Variants in ADAMTS6 observed in about 807,000 individuals in gnomAD.
ADAMTS6 encodes ADAM metallopeptidase with thrombospondin type 1 motif 6, also known as A disintegrin and metalloproteinase with thrombospondin motifs 6.
In ADAMTS6, 23 loss-of-function variants were observed where a neutral mutation model predicts 144.3. The ratio of observed to expected loss-of-function variants is 0.16; its 90% CI spans 0.11 to 0.23. ADAMTS6 has a LOEUF of 0.23. ADAMTS6 is among the 10% of genes least tolerant of loss of function. The pLI, the probability that ADAMTS6 is intolerant of heterozygous loss-of-function variation, is 1.00. For missense variants in ADAMTS6, 999 were observed against 1,379.6 expected (o/e 0.72, Z 4.37); for synonymous variants, 444 against 457.5 (o/e 0.97, Z 0.38).
At chr5:65,263,559 C>T (rs1761378645) in intron 12 of ADAMTS6, among the ~76,000 whole-genome samples, 1 of 152,080 alleles carries the variant, frequency 6.6e-6, no homozygotes, top group Non-Finnish European at 1.5e-5. Context: ...TATACACTGA[C>T]TAGCCATGTG....
chr5:65,357,776 G>A (rs1749463698), intron 7 of ADAMTS6, among the ~76,000 whole-genome samples: 1 of 151,744 alleles, frequency 6.6e-6, no homozygotes, highest in Admixed American at 6.6e-5. Context: ...AACCTATCAT[G>A]ACTGAATCAT....
At chr5:65,230,703 AATATATATAACACATATGTATGAAAT>A (rs1561305841) in intron 15 of ADAMTS6, among the ~76,000 whole-genome samples, 6 of 85,106 alleles carry the variant, frequency 7.1e-5, no homozygotes, top group South Asian at 3.6e-4. Context: ...ATATGTATGA[AATATATATAACACATATGTATGAAAT>A]ATATATATAA....
At chr5:65,294,801 C>G (rs1234810576) in intron 10 of ADAMTS6, among the ~76,000 whole-genome samples, 3 of 152,194 alleles carry the variant, frequency 2.0e-5, no homozygotes, top group East Asian at 3.9e-4. Flanking sequence ...TGAAAATTCT[C>G]AAGTGCTTTA....
chr5:65,442,964 A>G (rs969930484), intron 7 of ADAMTS6, among the ~76,000 whole-genome samples: 2 of 152,276 alleles, frequency 1.3e-5, no homozygotes, highest in South Asian at 2.1e-4. Context: ...TCTGCTGAGG[A>G]TGATGGCTTC....
chr5:65,440,813 T>A (rs1757808942), intron 7 of ADAMTS6, among the ~76,000 whole-genome samples: 2 of 152,252 alleles, frequency 1.3e-5, no homozygotes, highest in East Asian at 3.9e-4. Context: ...TACTGGGGAA[T>A]AATTAGCCCT....
At chr5:65,171,348 GA>G (rs1408181804) in intron 23 of ADAMTS6, among the ~76,000 whole-genome samples, 1 of 152,090 alleles carries the variant, frequency 6.6e-6, no homozygotes, top group African/African-American at 2.4e-5. Context: ...GTTCATTTTT[GA>G]GAGGTGTATG....
chr5:65,476,281 A>G (rs554083294), intron 1 of ADAMTS6, among the ~76,000 whole-genome samples: 1 of 152,302 alleles, frequency 6.6e-6, no homozygotes, highest in African/African-American at 2.4e-5. Context: ...GTCCTTGCCA[A>G]CACTTTGTGG....
intron 7 of ADAMTS6, among the ~76,000 whole-genome samples, chr5:65,441,110 T>C (rs1757826820): frequency 6.6e-6 from 1 of 152,172 alleles, no homozygotes; most frequent in African/African-American, 2.4e-5. Flanking sequence ...AAATAGTTTT[T>C]GTATTTTCTA....
chr5:65,464,438 TG>T (rs1742223505), intron 3 of ADAMTS6, among the ~76,000 whole-genome samples: 1 of 152,218 alleles, frequency 6.6e-6, no homozygotes, highest in Non-Finnish European at 1.5e-5. Flanking sequence ...CGTAATGATA[TG>T]AAAATATCTG....
chr5:65,356,149 T>A (rs1328529071), intron 7 of ADAMTS6, among the ~76,000 whole-genome samples: 1 of 151,854 alleles, frequency 6.6e-6, no homozygotes. Flanking sequence ...CATTTTGAAT[T>A]TTTTCAATGT....
At chr5:65,305,241 C>T (rs897442821) in intron 9 of ADAMTS6, among the ~76,000 whole-genome samples, 2 of 152,050 alleles carry the variant, frequency 1.3e-5, no homozygotes, top group Admixed American at 6.5e-5. Context: ...TCTACTATAG[C>T]AATATTTCTG....
chr5:65,180,526 C>T (rs1754282060), intron 22 of ADAMTS6, among the ~76,000 whole-genome samples: 1 of 152,244 alleles, frequency 6.6e-6, no homozygotes, highest in East Asian at 1.9e-4. Context: ...GTTGATTTCT[C>T]TCCATCTCTA....
intron 3 of ADAMTS6, among the ~76,000 whole-genome samples, chr5:65,463,077 TAA>T (rs57197551): frequency 1.5e-3 from 186 of 123,892 alleles, no homozygotes; most frequent in South Asian, 3.0e-3. Flanking sequence ...AGACTCCGTC[TAA>T]AAAAAAAAAA....
intron 3 of ADAMTS6, among the ~76,000 whole-genome samples, chr5:65,462,908 C>A (rs1445318334): frequency 6.6e-6 from 1 of 151,886 alleles, no homozygotes; most frequent in African/African-American, 2.4e-5. Context: ...GGTGAAACCC[C>A]ACCCCTACTA....
chr5:65,227,663 T>G (rs1223584711), intron 15 of ADAMTS6, among the ~76,000 whole-genome samples: 1 of 152,116 alleles, frequency 6.6e-6, no homozygotes, highest in Non-Finnish European at 1.5e-5. Context: ...GGTGGTAGAG[T>G]CAATGATAAA....
Position 65,170,757 on chromosome 5 carries a change from C to A in ADAMTS6, c.3104G>T (p.Gly1035Val). 6.2e-7 allele frequency: 1 copy of A among 1,613,806 alleles called. No homozygotes were observed. The highest frequency in any genetic ancestry group is 8.5e-7 in the Non-Finnish European group (1 of 1,179,818). Residue 1035 changes from glycine (G) to valine (V), a missense_variant, in exon 24 of 25, where the codon GGC becomes GTC. By Grantham distance (109) the Gly-to-Val change is moderately radical. This residue lies in a region of ADAMTS6 where 619 missense variants were observed against 837.0 expected (regional missense o/e 0.74). Transcript: ENST00000381055. ...CACAGTTCTCATCTGCTGTCCAAGG[C>A]CACACTGAGCAGAACACTAAATCCA... Reference protein sequence around the residue: ...GDWGQCSAQCGLGQQMRTVQC... With the variant: ...GDWGQCSAQCVLGQQMRTVQC...
intron 9 of ADAMTS6, among the ~76,000 whole-genome samples, chr5:65,303,207 T>C (rs992179314): frequency 7.2e-5 from 11 of 152,144 alleles, no homozygotes; most frequent in African/African-American, 2.7e-4. Context: ...TGATGATAGA[T>C]TCCCATGGTT....
chr5:65,445,639 G>GC (rs938663193), intron 7 of ADAMTS6, among the ~76,000 whole-genome samples: 14 of 152,110 alleles, frequency 9.2e-5, no homozygotes, highest in Non-Finnish European at 1.9e-4. Flanking sequence ...ATCACACAGA[G>GC]CCCCCCTCTT....
intron 14 of ADAMTS6, among the ~76,000 whole-genome samples, chr5:65,258,025 C>G (rs557691736): frequency 6.6e-6 from 1 of 152,232 alleles, no homozygotes; most frequent in Admixed American, 6.5e-5. Flanking sequence ...TCTAAAAGAT[C>G]ATCATAATTG....
Sources: allele counts gnomAD v4.1 joint callset (sites outside exome capture counted in the v4.1 genomes callset), GRCh38; gene constraint gnomAD v4.1.1; regional missense constraint gnomAD v4.1.1; transcripts MANE v1.5; gene names NCBI Gene and HGNC (gene_info 2026-07-23, HGNC 2026-07-21).